DLG2: variants seen among roughly 807,000 people sequenced by gnomAD.
DLG2 encodes the protein disks large homolog 2.
DLG2 carries 45 observed loss-of-function variants against 132.5 expected under a neutral mutation model. The observed-to-expected ratio is 0.34, with a 90% CI of 0.27 to 0.44. The LOEUF is 0.44. DLG2 is among the 20% of genes least tolerant of loss of function. The pLI, the probability that DLG2 is intolerant of heterozygous loss-of-function variation, is 1.00. For synonymous variants in DLG2, 424 were observed against 419.6 expected, an observed-to-expected ratio of 1.01 and a Z score of -0.13; for missense variants, 1,045 against 1,196.9, an observed-to-expected ratio of 0.87 and a Z score of 1.87.
intron 3 of DLG2, among the ~76,000 whole-genome samples, chr11:85,404,737 G>A (rs2088550358): frequency 6.6e-6 from 1 of 152,072 alleles, no homozygotes; most frequent in South Asian, 2.1e-4. Context: ...TTGAATGTTG[G>A]TATTTATAGT....
At chr11:84,719,649 G>C (rs1408028077) in intron 6 of DLG2, among the ~76,000 whole-genome samples, 2 of 152,128 alleles carry the variant, frequency 1.3e-5, no homozygotes, top group African/African-American at 4.8e-5. Context: ...ATTTCTCTGG[G>C]AACACCAATC....
intron 3 of DLG2, among the ~76,000 whole-genome samples, chr11:85,406,105 A>T: frequency 6.6e-6 from 1 of 151,950 alleles, no homozygotes; most frequent in Non-Finnish European, 1.5e-5. Context: ...TCAATTATAG[A>T]GTCACACAAC....
At chr11:85,180,824 C>T (rs980751723) in intron 4 of DLG2, among the ~76,000 whole-genome samples, 3 of 151,708 alleles carry the variant, frequency 2.0e-5, no homozygotes, top group Middle Eastern at 3.2e-3. Flanking sequence ...TAGATGAACC[C>T]AGACTGGAAC....
chr11:84,213,740 A>G (rs1176678652), intron 8 of DLG2, among the ~76,000 whole-genome samples: 1 of 149,528 alleles, frequency 6.7e-6, no homozygotes, highest in Non-Finnish European at 1.5e-5. Flanking sequence ...AATGGCGTGA[A>G]CCCGAGAGGC....
At chr11:84,590,547 A>G (rs1233604726) in intron 6 of DLG2, among the ~76,000 whole-genome samples, 3 of 152,192 alleles carry the variant, frequency 2.0e-5, no homozygotes, top group African/African-American at 7.2e-5. Flanking sequence ...CATCTTGTAA[A>G]TATTTACTTT....
chr11:84,754,711 A>G (rs12282436), intron 6 of DLG2, among the ~76,000 whole-genome samples: 10,492 of 152,292 alleles, frequency 0.069, 427 homozygotes, highest in Middle Eastern at 0.11. Context: ...TTAATCATGA[A>G]TAAATGTCAT....
At chr11:83,668,715 GTGTATATAAACACATATATAT>G (rs2076207384) in intron 18 of DLG2, among the ~76,000 whole-genome samples, 2 of 98,820 alleles carry the variant, frequency 2.0e-5, no homozygotes, top group African/African-American at 9.4e-5. Context: ...ACATATATAT[GTGTATATAAACACATATATAT>G]GTGTATATAA....
At chr11:84,808,982 A>G (rs1795237602) in intron 6 of DLG2, among the ~76,000 whole-genome samples, 1 of 151,950 alleles carries the variant, frequency 6.6e-6, no homozygotes, top group Non-Finnish European at 1.5e-5. Context: ...ACTTCAGACA[A>G]AAGACAAAAG....
intron 6 of DLG2, among the ~76,000 whole-genome samples, chr11:84,736,793 T>G (rs2063889647): frequency 6.6e-6 from 1 of 152,016 alleles, no homozygotes; most frequent in Non-Finnish European, 1.5e-5. Flanking sequence ...TTAAATAGAT[T>G]CTATCAGATA....
chr11:83,750,725 C>G (rs1446832542), intron 18 of DLG2, among the ~76,000 whole-genome samples: 1 of 152,122 alleles, frequency 6.6e-6, no homozygotes, highest in East Asian at 1.9e-4. Context: ...AAATTTCCAA[C>G]ACTGATCAAA....
intron 8 of DLG2, among the ~76,000 whole-genome samples, chr11:84,189,604 A>T (rs948549499): frequency 2.6e-5 from 4 of 152,236 alleles, no homozygotes; most frequent in African/African-American, 9.6e-5. Context: ...GGATAAAGAA[A>T]ATGTGGCACA....
chr11:85,259,130 G>T (rs1177772306), intron 4 of DLG2, among the ~76,000 whole-genome samples: 1 of 152,080 alleles, frequency 6.6e-6, no homozygotes, highest in African/African-American at 2.4e-5. Context: ...AGTGTTGGAG[G>T]TGGGGCCTAG....
At chr11:85,113,369 G>A (rs761224348) in intron 5 of DLG2, among the ~76,000 whole-genome samples, 3 of 151,966 alleles carry the variant, frequency 2.0e-5, no homozygotes, top group Non-Finnish European at 2.9e-5. Flanking sequence ...AAAATATGAC[G>A]GGTGCATAAA....
chr11:85,433,515 G>C (rs2091309568), intron 3 of DLG2, among the ~76,000 whole-genome samples: 1 of 151,576 alleles, frequency 6.6e-6, no homozygotes, highest in African/African-American at 2.4e-5. Flanking sequence ...GACTAGTTTT[G>C]TCCTAGTCTC....
At chr11:83,524,320 C>A (rs1231576560) in intron 21 of DLG2, among the ~76,000 whole-genome samples, 1 of 152,124 alleles carries the variant, frequency 6.6e-6, no homozygotes, top group Non-Finnish European at 1.5e-5. Context: ...AGCTTTCCTG[C>A]CCCCATCTCC....
chr11:83,508,403 A>ATTTTTTTTTTTTTT lies in DLG2; in HGVS notation c.2194-24189_2194-24176dup, dbSNP rs746968613. Among the ~76,000 whole-genome samples the ATTTTTTTTTTTTTT allele has an allele frequency of 9.0e-3, 721 of 80,112 alleles. 99 individuals carry two copies. The highest frequency in any genetic ancestry group is 0.025 in the African/African-American group (399 of 15,856). 52.6% of individuals were successfully genotyped at this position (80,112 alleles called of 152,430 possible). On this transcript the variant is annotated intron_variant, in intron 21 of 27. Transcript: ENST00000376104. ...AGGTGCACACCACCACGCCTGGCTA[A>ATTTTTTTTTTTTTT]TTTTTTTTTTTTTTTTTTTTTTAGT...
In DLG2 at chr11:84,174,014, C is replaced by CTTTTT. The variant is rs11338428; in HGVS notation, c.574-10508_574-10504dup. On this transcript the variant is annotated intron_variant, in intron 8 of 27. Transcript: ENST00000376104. ...CTGAGTTTTGACTTCACCCCCCGGC[C>CTTTTT]TTTTTTTTTTTTTTTTTTTTTTCTG... Among the ~76,000 whole-genome samples, 28 of 61,200 alleles carry CTTTTT rather than the reference C, an allele frequency of 4.6e-4. 4 individuals are homozygous for CTTTTT. The highest frequency in any genetic ancestry group is 2.1e-3 in the East Asian group (4 of 1,878). 40.1% of individuals were successfully genotyped at this position (61,200 alleles called of 152,430 possible).
At chr11:85,447,271 A>T (rs936207113) in intron 3 of DLG2, among the ~76,000 whole-genome samples, 3 of 152,190 alleles carry the variant, frequency 2.0e-5, no homozygotes, top group African/African-American at 7.2e-5. Flanking sequence ...CACATTTGTT[A>T]TGGACTGAAT....
chr11:85,369,277 T>G (rs914726494), intron 3 of DLG2, among the ~76,000 whole-genome samples: 5 of 152,094 alleles, frequency 3.3e-5, no homozygotes, highest in African/African-American at 1.2e-4. Context: ...GCTAGCTGGC[T>G]GGCTCCCAGA....
Sources: allele counts gnomAD v4.1 joint callset (sites outside exome capture counted in the v4.1 genomes callset), GRCh38; gene constraint gnomAD v4.1.1; transcripts MANE v1.5; gene names NCBI Gene and HGNC (gene_info 2026-07-23, HGNC 2026-07-21).